The following HAT1 variants were observed in gnomAD, a reference collection of about 807,000 sequenced individuals.
HAT1 encodes the protein histone acetyltransferase 1, also known as histone acetyltransferase type B catalytic subunit.
A neutral mutation model predicts 56.6 loss-of-function variants in HAT1; 20 were observed. That is an observed-to-expected ratio of 0.35 (90% CI 0.25 to 0.51). The LOEUF (loss-of-function observed/expected upper bound fraction) is 0.51. Ranked by LOEUF, HAT1 falls within the 20% of genes least tolerant of loss-of-function variation. The probability of loss-of-function intolerance (pLI) is 0.95; values close to 1 mark genes in which losing one functional copy is unlikely to be tolerated. For synonymous variants in HAT1, 146 were observed against 165.5 expected, an observed-to-expected ratio of 0.88 and a Z score of 0.91; for missense variants, 408 against 504.3, an observed-to-expected ratio of 0.81 and a Z score of 1.83.
intron 8 of HAT1, among the ~76,000 whole-genome samples, chr2:171,973,369 A>T (rs1229205332): frequency 6.7e-6 from 1 of 149,820 alleles, no homozygotes; most frequent in Non-Finnish European, 1.5e-5. Context: ...GTATTTCCAT[A>T]AAAATTTTAG....
At chr2:171,936,385 G>A (rs1271138891) in intron 2 of HAT1, among the ~76,000 whole-genome samples, 1 of 152,190 alleles carries the variant, frequency 6.6e-6, no homozygotes, top group Non-Finnish European at 1.5e-5. Flanking sequence ...AGAGCCATGT[G>A]TGCCAAAGAA....
intron 9 of HAT1, among the ~76,000 whole-genome samples, chr2:171,977,559 T>TA (rs1688019365): frequency 0.02 from 202 of 10,228 alleles, no homozygotes; most frequent in Middle Eastern, 0.036. Context: ...ATATATATAT[T>TA]TTTTTTTTTT....
intron 2 of HAT1, among the ~76,000 whole-genome samples, chr2:171,942,255 G>T (rs2028674): frequency 6.6e-6 from 1 of 151,820 alleles, no homozygotes; most frequent in Non-Finnish European, 1.5e-5. Flanking sequence ...TTTTTATACT[G>T]TATATTTTTT....
intron 2 of HAT1, among the ~76,000 whole-genome samples, chr2:171,945,171 C>G (rs946053452): frequency 6.6e-6 from 1 of 151,830 alleles, no homozygotes; most frequent in East Asian, 1.9e-4. Flanking sequence ...GCGCCCAGCC[C>G]TCCAATTTTT....
chr2:171,966,273 T>C (rs1164682365), intron 6 of HAT1, 136 bp from the exon 7 acceptor site: 6 of 676,806 alleles, frequency 8.9e-6, no homozygotes, highest in South Asian at 3.2e-5. Flanking sequence ...ATTCAGAACA[T>C]AGCAGGTGTA....
chr2:171,942,616 T>C (rs1687044731), intron 2 of HAT1, among the ~76,000 whole-genome samples: 1 of 152,200 alleles, frequency 6.6e-6, no homozygotes, highest in Non-Finnish European at 1.5e-5. Context: ...CTGCCATACC[T>C]GCCTTATAAA....
intron 3 of HAT1, among the ~76,000 whole-genome samples, chr2:171,947,130 C>CT (rs2105319888): frequency 6.6e-6 from 1 of 152,242 alleles, no homozygotes; most frequent in Admixed American, 6.5e-5. Flanking sequence ...ATAACTACTA[C>CT]TTTTTTCTGC....
chr2:171,964,278 C>G (rs891356141), intron 4 of HAT1, among the ~76,000 whole-genome samples: 4 of 152,100 alleles, frequency 2.6e-5, no homozygotes, highest in Non-Finnish European at 5.9e-5. Flanking sequence ...TGCATGTAAA[C>G]GGTATGAAAG....
intron 3 of HAT1, among the ~76,000 whole-genome samples, chr2:171,951,326 A>G (rs563701359): frequency 9.8e-5 from 15 of 152,302 alleles, no homozygotes; most frequent in South Asian, 2.1e-4. Context: ...TTGGAGTTCT[A>G]TCTCTAAAGA....
At chr2:171,957,125 T>C (rs1687466900) in intron 4 of HAT1, among the ~76,000 whole-genome samples, 1 of 152,168 alleles carries the variant, frequency 6.6e-6, no homozygotes, top group Non-Finnish European at 1.5e-5. Context: ...CAGCTTGGAT[T>C]GACAGGACAA....
At chr2:171,977,942 A>G (rs527666408) in intron 9 of HAT1, among the ~76,000 whole-genome samples, 2 of 152,210 alleles carry the variant, frequency 1.3e-5, no homozygotes, top group Non-Finnish European at 2.9e-5. Flanking sequence ...AAATAAATAC[A>G]TAAGTGAAAC....
chr2:171,966,905 T>C lies in HAT1; in HGVS notation c.779T>C (p.Val260Ala). 1 of 1,589,686 alleles carries C rather than the reference T, an allele frequency of 6.3e-7. No individual in the cohort carries two copies. Among genetic ancestry groups the C allele is most frequent in the Admixed American group, 1.7e-5 (1 of 59,834 alleles). ...QGHGAQLLET[V>A]HRYYTEFPTV... is the part of the protein sequence containing the mutation. ...CATGGTGCTCAACTTCTTGAAACAG[T>C]TCATAGATACTACACTGAATTTCCT... Residue 260 changes from valine to alanine, a missense_variant, in exon 8 of 11, where the codon GTT becomes GCT. Physicochemically the swap from Val to Ala is moderately conservative, Grantham distance 64 (BLOSUM62 0). Coordinates refer to ENST00000264108, the MANE Select transcript of HAT1 (RefSeq NM_003642.4).
At position 171,966,595 on chromosome 2, in the gene HAT1, G is replaced by A. The variant is rs1377274872; in HGVS notation, c.716+82G>A. ...AGTTTCCAATACTTGTTATAATAGTGTTGATTTGTTTAAAAAAAAAATCAC... is the reference window on the plus strand; with the variant it reads ...AGTTTCCAATACTTGTTATAATAGTATTGATTTGTTTAAAAAAAAAATCAC... On this transcript the variant is annotated intron_variant, in intron 7 of 10. Transcript: ENST00000264108. The A allele has an allele frequency of 5.3e-6, 4 of 750,850 alleles. No homozygotes were observed. The East Asian group carries it at 1.0e-4, about 19-fold the overall frequency. 46.5% of individuals were successfully genotyped at this position (750,850 alleles called of 1,614,324 possible). A position where few individuals can be genotyped will look rare whatever the true frequency, so the allele number is the denominator to read the frequency against.
intron 3 of HAT1, among the ~76,000 whole-genome samples, chr2:171,947,489 C>T (rs1279961718): frequency 6.6e-6 from 1 of 151,744 alleles, no homozygotes; most frequent in Non-Finnish European, 1.5e-5. Context: ...CTCCTGGCCT[C>T]AAGTGATCCT....
At chr2:171,946,369 C>T (rs1305061244) in intron 2 of HAT1, among the ~76,000 whole-genome samples, 1 of 152,150 alleles carries the variant, frequency 6.6e-6, no homozygotes, top group Non-Finnish European at 1.5e-5. Context: ...AACTTCTTAC[C>T]TCAAAGTGTC....
Position 171,961,132 on chromosome 2 carries a change from ACT to A in HAT1, c.310-4203_310-4202del, listed in dbSNP as rs201906279. Among the ~76,000 whole-genome samples the A allele has an allele frequency of 7.4e-4, 112 of 152,082 alleles. No individual in the cohort carries two copies. The East Asian group carries it at 0.021, about 29-fold the overall frequency. ...ACTCCAGCTTGGGTGACAGAGCAAGACTCTGTCTCAAAAAACGAAAACAAAAG... is the reference window on the plus strand; with the variant it reads ...ACTCCAGCTTGGGTGACAGAGCAAGACTGTCTCAAAAAACGAAAACAAAAG... On this transcript the variant is annotated intron_variant, in intron 4 of 10. Coordinates refer to ENST00000264108, the MANE Select transcript of HAT1 (RefSeq NM_003642.4).
intron 2 of HAT1, among the ~76,000 whole-genome samples, chr2:171,945,854 G>T (rs552129298): frequency 2.6e-4 from 39 of 152,202 alleles, no homozygotes; most frequent in African/African-American, 9.4e-4. Flanking sequence ...ATTTTTAGTA[G>T]AGATGGGGTT....
intron 4 of HAT1, among the ~76,000 whole-genome samples, chr2:171,961,188 C>T (rs1342291738): frequency 6.6e-6 from 1 of 151,998 alleles, no homozygotes; most frequent in Non-Finnish European, 1.5e-5. Flanking sequence ...TCCTGTAGTC[C>T]CAGCTACTTG....
chr2:171,925,702 A>T, intron 2 of HAT1, 61 bp downstream of exon 2: 2 of 722,034 alleles, frequency 2.8e-6, no homozygotes, highest in Middle Eastern at 3.0e-4. Flanking sequence ...ATAATCTTTC[A>T]TTTTAAATTT....
Sources: gnomAD v4.1 joint callset for allele counts (sites outside exome capture counted in the v4.1 genomes callset) on GRCh38, gnomAD v4.1.1 for gene constraint, MANE v1.5 for transcripts, NCBI Gene and HGNC (gene_info 2026-07-23, HGNC 2026-07-21) for gene names.